Variants in JMY observed in about 807,000 individuals in gnomAD.
The protein encoded by JMY is junction-mediating and -regulatory protein.
JMY carries 46 observed loss-of-function variants against 103.3 expected under a neutral mutation model. The observed-to-expected ratio is 0.45, with a 90% confidence interval of 0.35 to 0.57. JMY has a LOEUF of 0.57. JMY is among the 20% of genes least tolerant of loss of function. JMY has a pLI of 0.00. For synonymous variants in JMY, 526 were observed against 489.3 expected (o/e 1.07, Z -0.99); for missense variants, 1,238 against 1,255.2 (o/e 0.99, Z 0.21).
chr5:79,284,658 A>G (rs1433247113), intron 2 of JMY: 1 of 1,568,636 alleles, frequency 6.4e-7, no homozygotes, highest in African/African-American at 1.3e-5. Context: ...CATCTTCAGT[A>G]ATCAGCTTGA....
chr5:79,249,559 C>T (rs1428454668), intron 1 of JMY, among the ~76,000 whole-genome samples: 1 of 152,096 alleles, frequency 6.6e-6, no homozygotes, highest in Non-Finnish European at 1.5e-5. Flanking sequence ...TAAGACTGTT[C>T]TATTTCTTGG....
At chr5:79,252,795 TA>T (rs1394561518) in intron 1 of JMY, among the ~76,000 whole-genome samples, 1 of 152,220 alleles carries the variant, frequency 6.6e-6, no homozygotes, top group Non-Finnish European at 1.5e-5. Flanking sequence ...TGACATGGAA[TA>T]ACTTTTTCAT....
At position 79,325,790 on chromosome 5, in the gene JMY, T is replaced by C. The variant is rs988898068; in HGVS notation, c.*4188T>C. 6.6e-6 allele frequency: 1 copy of C among 152,194 alleles called. No homozygotes were observed. Among genetic ancestry groups the C allele is most frequent in the Non-Finnish European group, 1.5e-5 (1 of 68,028 alleles). The allele number at this position is 152,194 out of a possible 1,614,324, so 9.4% of individuals were successfully genotyped here. ...TATCCGATATAGTGTAATTTAAAAG[T>C]TTTCCTACAAAGTGAGTTTATATTG... On this transcript the variant is annotated 3_prime_UTR_variant, in exon 11 of 11. Transcript: ENST00000396137.
chr5:79,316,981 G>A (rs1471963698), intron 10 of JMY, among the ~76,000 whole-genome samples: 1 of 150,184 alleles, frequency 6.7e-6, no homozygotes, highest in Non-Finnish European at 1.5e-5. Context: ...GTTGAGGCAT[G>A]AGGATCTCTT....
chr5:79,300,380 G>A (rs1746698023), intron 5 of JMY, 62 bp downstream of exon 5: 2 of 1,399,974 alleles, frequency 1.4e-6, no homozygotes, highest in Non-Finnish European at 1.9e-6. Flanking sequence ...AAATACTTAT[G>A]GACTAGGTAT....
At chr5:79,281,981 G>A (rs545537883) in intron 2 of JMY, among the ~76,000 whole-genome samples, 6 of 152,160 alleles carry the variant, frequency 3.9e-5, no homozygotes, top group Admixed American at 1.3e-4. Flanking sequence ...CGAGGCGGGC[G>A]GATCACAAGG....
intron 1 of JMY, among the ~76,000 whole-genome samples, chr5:79,263,310 T>C (rs1561294664): frequency 1.3e-5 from 2 of 152,226 alleles, no homozygotes; most frequent in African/African-American, 2.4e-5. Flanking sequence ...AAGAGTTTAC[T>C]TGGGCCAAAG....
At chr5:79,305,817 TTTAAC>T (rs1240942586) in intron 6 of JMY, among the ~76,000 whole-genome samples, 7 of 152,354 alleles carry the variant, frequency 4.6e-5, no homozygotes, top group African/African-American at 1.7e-4. Flanking sequence ...ATTCATGGTC[TTTAAC>T]TTGTCAGAGG....
intron 6 of JMY, among the ~76,000 whole-genome samples, chr5:79,301,096 T>C (rs6889156): frequency 0.71 from 108,406 of 152,122 alleles, 39,846 homozygotes; most frequent in African/African-American, 0.92. Context: ...CTAAAGGCCT[T>C]GACTACAGGA....
At chr5:79,305,751 A>T (rs1314708402) in intron 6 of JMY, among the ~76,000 whole-genome samples, 3 of 152,172 alleles carry the variant, frequency 2.0e-5, no homozygotes, top group Non-Finnish European at 2.9e-5. Flanking sequence ...TGCAGCTCTT[A>T]TGTCTGCGAC....
intron 1 of JMY, among the ~76,000 whole-genome samples, chr5:79,248,211 G>A (rs1744965841): frequency 6.6e-6 from 1 of 151,868 alleles, no homozygotes; most frequent in South Asian, 2.1e-4. Flanking sequence ...TGTATTTTTA[G>A]TAGAGACGGG....
rs370156047 is a variant in JMY at position 79,260,170 on chromosome 5, A to G, written c.1033-17740A>G. On this transcript the variant is annotated intron_variant, in intron 1 of 10. Coordinates refer to ENST00000396137, the MANE Select transcript of JMY (RefSeq NM_152405.5). Reference sequence around the variant, plus strand: ...GGCTGGCCTCACAAGTCCTAGCTGTACCCTTCAGCCAGGTGCTCACAGACC... The same window carrying G: ...GGCTGGCCTCACAAGTCCTAGCTGTGCCCTTCAGCCAGGTGCTCACAGACC... Among the ~76,000 whole-genome samples the G allele has an allele frequency of 4.6e-5, 7 of 152,322 alleles. No individual in the cohort carries two copies. The East Asian group carries it at 1.2e-3, about 25-fold the overall frequency.
chr5:79,246,177 G>A lies in JMY; in HGVS notation c.1032+8495G>A, dbSNP rs74637498. Among the ~76,000 whole-genome samples, 1,415 of 151,880 alleles carry A rather than the reference G, an allele frequency of 9.3e-3. 15 individuals carry two copies. Among genetic ancestry groups the A allele is most frequent in the African/African-American group, 0.032 (1,327 of 41,380 alleles). On this transcript the variant is annotated intron_variant, in intron 1 of 10. Transcript: ENST00000396137. Reference sequence around the variant, plus strand: ...TTTTTAGTATTAAAACTGCTTTTCCGATCAGTTTTTGATAACTGAAAGTTA... The same window carrying A: ...TTTTTAGTATTAAAACTGCTTTTCCAATCAGTTTTTGATAACTGAAAGTTA...
intron 1 of JMY, among the ~76,000 whole-genome samples, chr5:79,251,899 C>A (rs1470905898): frequency 1.3e-5 from 2 of 152,088 alleles, no homozygotes; most frequent in African/African-American, 4.8e-5. Flanking sequence ...CTCAGCCTCC[C>A]GAGTAGCTGG....
chr5:79,237,864 ACTC>A (rs1744574649), intron 1 of JMY, among the ~76,000 whole-genome samples, 182 bp downstream of exon 1: 1 of 134,598 alleles, frequency 7.4e-6, no homozygotes, highest in African/African-American at 2.8e-5. Context: ...TGCTTAATTG[ACTC>A]TCTGAAGGAC....
chr5:79,236,693 G>A lies in JMY; in HGVS notation c.43G>A (p.Ala15Thr), dbSNP rs1222451776. ...GGAGACGCTCGAGTCGGACTGGGTG[G>A]CTGTGCGGCCCCATGTGTTCGACGA... ...LEETLESDWV[A>T]VRPHVFDERE... The change falls in exon 1 of 11, where the codon GCT becomes ACT. Residue 15 changes from alanine (A) to threonine (T), a missense_variant. Coordinates refer to ENST00000396137, the MANE Select transcript of JMY (RefSeq NM_152405.5). The A allele has an allele frequency of 8.0e-6, 12 of 1,491,580 alleles. No individual in the cohort carries two copies. Among genetic ancestry groups the A allele is most frequent in the South Asian group, 1.3e-5 (1 of 77,374 alleles). The allele number at this position is 1,491,580 out of a possible 1,614,324, so 92.4% of individuals were successfully genotyped here.
In JMY at chr5:79,236,878, C is replaced by T. The variant is rs1181904026; in HGVS notation, c.228C>T (p.Asp76=). 3 of 1,385,922 alleles carry T rather than the reference C, an allele frequency of 2.2e-6. No individual in the cohort carries two copies. The highest frequency in any genetic ancestry group is 2.8e-6 in the Non-Finnish European group (3 of 1,072,102). 85.9% of individuals were successfully genotyped at this position (1,385,922 alleles called of 1,614,324 possible). The change falls in exon 1 of 11, where the codon GAC becomes GAT. Residue 76 remains aspartate (D), a synonymous_variant. Coordinates refer to ENST00000396137, the MANE Select transcript of JMY (RefSeq NM_152405.5). ...GGAEAGGAAS[D]GSRGPGSPAG... Reference sequence around the variant, plus strand: ...CCGAGGCCGGCGGAGCTGCGTCCGACGGGAGCCGCGGGCCCGGCAGCCCGG... The same window carrying T: ...CCGAGGCCGGCGGAGCTGCGTCCGATGGGAGCCGCGGGCCCGGCAGCCCGG...
In JMY at chr5:79,281,205, C is replaced by T. The variant is rs1040206367; in HGVS notation, c.1206+3122C>T. ...GACTACAGGCACCTGCCACCACACC[C>T]GGCTAATTTTTTGTATTTTTAGTAG... On this transcript the variant is annotated intron_variant, in intron 2 of 10. Coordinates refer to ENST00000396137, the MANE Select transcript of JMY (RefSeq NM_152405.5). Among the ~76,000 whole-genome samples the T allele has an allele frequency of 5.3e-5, 8 of 151,518 alleles. No individual in the cohort carries two copies. The East Asian group carries it at 5.8e-4, about 11-fold the overall frequency.
chr5:79,261,287 AG>A lies in JMY; in HGVS notation c.1033-16622del, dbSNP rs61450314. Among the ~76,000 whole-genome samples, 54 of 152,290 alleles carry A rather than the reference AG, an allele frequency of 3.5e-4. No homozygotes were observed. In the East Asian group the frequency reaches 9.6e-3, roughly 27 times the overall value. On this transcript the variant is annotated intron_variant, in intron 1 of 10. Coordinates refer to ENST00000396137, the MANE Select transcript of JMY (RefSeq NM_152405.5). ...ATTGATAGCATATCCTTACAGGTGCAGTCACCCCCCTGCCCACCAGACAAAT... is the reference window on the plus strand; with the variant it reads ...ATTGATAGCATATCCTTACAGGTGCATCACCCCCCTGCCCACCAGACAAAT...
Sources: allele counts gnomAD v4.1 joint callset (sites outside exome capture counted in the v4.1 genomes callset), GRCh38; gene constraint gnomAD v4.1.1; transcripts MANE v1.5; gene names NCBI Gene and HGNC (gene_info 2026-07-23, HGNC 2026-07-21).